Variants in ADK observed in about 807,000 individuals in gnomAD.
ADK encodes adenosine kinase.
In ADK, 24 loss-of-function variants were observed where a neutral mutation model predicts 44.7. That is an observed-to-expected ratio of 0.54 (90% CI 0.39 to 0.76). The LOEUF (loss-of-function observed/expected upper bound fraction) is 0.76. Ranked by LOEUF, ADK falls within the 30% of genes least tolerant of loss-of-function variation. The pLI is 0.00. For synonymous variants in ADK, 128 were observed against 142.6 expected, an observed-to-expected ratio of 0.90 and a Z score of 0.73; for missense variants, 321 against 425.1, an observed-to-expected ratio of 0.76 and a Z score of 2.15.
intron 7 of ADK, among the ~76,000 whole-genome samples, chr10:74,552,706 T>C (rs1458292034): frequency 6.6e-6 from 1 of 151,906 alleles, no homozygotes; most frequent in Non-Finnish European, 1.5e-5. Flanking sequence ...AATGATTGTA[T>C]CCAGAAATCA....
At chr10:74,273,232 G>A (rs1408064922) in intron 3 of ADK, among the ~76,000 whole-genome samples, 11 of 151,916 alleles carry the variant, frequency 7.2e-5, no homozygotes, top group African/African-American at 1.7e-4. Flanking sequence ...CCTCAGTTGC[G>A]GAGAGCCTCC....
chr10:74,584,783 A>G (rs1851476984), intron 7 of ADK, among the ~76,000 whole-genome samples: 1 of 152,226 alleles, frequency 6.6e-6, no homozygotes, highest in Non-Finnish European at 1.5e-5. Flanking sequence ...GAGATGAAGA[A>G]GCAAAGTAAG....
At chr10:74,219,995 C>T (rs1367988440) in intron 2 of ADK, among the ~76,000 whole-genome samples, 2 of 147,586 alleles carry the variant, frequency 1.4e-5, no homozygotes, top group African/African-American at 5.0e-5. Context: ...CAAAAGCTAG[C>T]AGAAGGCAAG....
intron 10 of ADK, among the ~76,000 whole-genome samples, chr10:74,674,268 C>G (rs1300850930): frequency 6.6e-6 from 1 of 152,150 alleles, no homozygotes; most frequent in African/African-American, 2.4e-5. Flanking sequence ...GTTGGAAATA[C>G]TAAAAGATCC....
chr10:74,508,048 G>T (rs1848150974), intron 6 of ADK, among the ~76,000 whole-genome samples: 1 of 152,086 alleles, frequency 6.6e-6, no homozygotes, highest in East Asian at 1.9e-4. Context: ...TATGACTGAA[G>T]CAAGGACATA....
chr10:74,159,781 C>T (rs942272850), intron 1 of ADK, among the ~76,000 whole-genome samples: 1 of 152,052 alleles, frequency 6.6e-6, no homozygotes, highest in Non-Finnish European at 1.5e-5. Context: ...TTAGTAGAGA[C>T]AGGGTTTCAC....
chr10:74,267,237 TG>T (rs1444392594), intron 3 of ADK, among the ~76,000 whole-genome samples: 1 of 152,150 alleles, frequency 6.6e-6, no homozygotes, highest in Non-Finnish European at 1.5e-5. Flanking sequence ...GCCCTCTATA[TG>T]GGTTGGTTTG....
At chr10:74,199,284 C>T (rs886927997) in intron 1 of ADK, among the ~76,000 whole-genome samples, 3 of 152,122 alleles carry the variant, frequency 2.0e-5, no homozygotes, top group African/African-American at 4.8e-5. Context: ...TGATCCCCAT[C>T]GTCTAAGTAG....
rs141247977 is a variant in ADK, at chr10:74,426,603, G to C, written c.555+28024G>C. On this transcript the variant is annotated intron_variant, in intron 6 of 10. Transcript: ENST00000539909. ...GTAAAATTAGTTACAAGAGGTAGAA[G>C]GGAGAGTGAGGTGGAAGGGATGTGG... Among the ~76,000 whole-genome samples, 158 of 152,282 alleles carry C rather than the reference G, an allele frequency of 1.0e-3. 1 individual carries two copies. Among genetic ancestry groups the C allele is most frequent in the African/African-American group, 3.7e-3 (154 of 41,558 alleles).
chr10:74,521,697 A>AT (rs1258920937), intron 6 of ADK, among the ~76,000 whole-genome samples: 4 of 152,220 alleles, frequency 2.6e-5, no homozygotes, highest in Non-Finnish European at 5.9e-5. Context: ...GTACATCCAT[A>AT]TTACTATGGA....
At chr10:74,517,319 A>C (rs943644336) in intron 6 of ADK, among the ~76,000 whole-genome samples, 2 of 152,004 alleles carry the variant, frequency 1.3e-5, no homozygotes, top group African/African-American at 4.8e-5. Context: ...TTTTTGAGGG[A>C]GTTATGTGGG....
chr10:74,683,247 T>G (rs1403169334), intron 10 of ADK, among the ~76,000 whole-genome samples: 1 of 152,176 alleles, frequency 6.6e-6, no homozygotes, highest in Non-Finnish European at 1.5e-5. Flanking sequence ...TGAGTCCTTG[T>G]TTGGTAGAGC....
chr10:74,233,608 G>A (rs1283051156), intron 3 of ADK, among the ~76,000 whole-genome samples: 1 of 152,144 alleles, frequency 6.6e-6, no homozygotes, highest in African/African-American at 2.4e-5. Context: ...TAGGGGAAGT[G>A]TACTCCTTCT....
At chr10:74,385,653 T>C (rs1236054596) in intron 4 of ADK, among the ~76,000 whole-genome samples, 1 of 152,220 alleles carries the variant, frequency 6.6e-6, no homozygotes, top group African/African-American at 2.4e-5. Context: ...CTCAGGGCAC[T>C]GTTGTCATCG....
intron 3 of ADK, among the ~76,000 whole-genome samples, chr10:74,238,639 C>T (rs1321036720): frequency 6.6e-6 from 1 of 152,054 alleles, no homozygotes; most frequent in East Asian, 1.9e-4. Context: ...TTGTGTTACC[C>T]TCAGACTTGA....
chr10:74,518,070 C>T (rs1848664465), intron 6 of ADK, among the ~76,000 whole-genome samples: 1 of 152,156 alleles, frequency 6.6e-6, no homozygotes, highest in African/African-American at 2.4e-5. Context: ...AGTAGTCCCA[C>T]AAAACATGTA....
chr10:74,706,132 A>G (rs993794306), intron 10 of ADK, among the ~76,000 whole-genome samples: 4 of 152,134 alleles, frequency 2.6e-5, no homozygotes, highest in Non-Finnish European at 5.9e-5. Context: ...CCAAGAGTTC[A>G]AGACCAACCT....
chr10:74,336,430 G>A (rs528615429), intron 4 of ADK, among the ~76,000 whole-genome samples: 1 of 151,996 alleles, frequency 6.6e-6, no homozygotes, highest in African/African-American at 2.4e-5. Context: ...GTAGCTTAAT[G>A]TGTTTGTTTT....
At chr10:74,546,169 C>T (rs1049325265) in intron 7 of ADK, among the ~76,000 whole-genome samples, 7 of 152,114 alleles carry the variant, frequency 4.6e-5, no homozygotes, top group African/African-American at 1.4e-4. Flanking sequence ...AATAAACTAG[C>T]AGAAATTTTG....
Sources: gnomAD v4.1 joint callset for allele counts (sites outside exome capture counted in the v4.1 genomes callset) on GRCh38, gnomAD v4.1.1 for gene constraint, MANE v1.5 for transcripts, NCBI Gene and HGNC (gene_info 2026-07-23, HGNC 2026-07-21) for gene names.